The following RHD variants were observed in gnomAD, a reference collection of about 807,000 sequenced individuals.
The protein encoded by RHD is Rh blood group D antigen, also known as blood group Rh(D) polypeptide.
In RHD, 16 loss-of-function variants were observed where a neutral mutation model predicts 45.5. The ratio of observed to expected loss-of-function variants is 0.35; its 90% CI spans 0.24 to 0.53. The LOEUF (loss-of-function observed/expected upper bound fraction) is 0.53. Among genes scored for constraint, RHD ranks in the 20% least tolerant of loss-of-function variants. RHD has a pLI of 0.92. For synonymous variants in RHD, 131 were observed against 217.5 expected (o/e 0.60, Z 3.50); for missense variants, 306 against 532.0 (o/e 0.58, Z 4.18).
In RHD at chr1:25,321,369, C is replaced by T. The variant is rs1301550686; in HGVS notation, c.1154-520C>T. ...TTTTTCAAAAAAAAAAAAAAAATGT[C>T]TACAGAATCGGCCAGGTGTGGTGGC... On this transcript the variant is annotated intron_variant, in intron 8 of 9. Transcript: ENST00000328664. Among the ~76,000 whole-genome samples, 2 of 122,896 alleles carry T rather than the reference C, an allele frequency of 1.6e-5. 1 individual carries two copies. Among genetic ancestry groups the T allele is most frequent in the Non-Finnish European group, 3.8e-5 (2 of 52,396 alleles). 80.6% of individuals were successfully genotyped at this position (122,896 alleles called of 152,430 possible).
rs1312963165 is a variant in RHD at position 25,280,326 on chromosome 1, G to A, written c.149-4247G>A. On this transcript the variant is annotated intron_variant, in intron 1 of 9. Transcript: ENST00000328664. ...CTCATCTCTTTTTTTTTTTTTTTGA[G>A]CTGCAGTCTCACTCTGTCATCCAGG... Among the ~76,000 whole-genome samples the A allele has an allele frequency of 2.5e-5, 3 of 117,734 alleles. No individual in the cohort carries two copies. In the East Asian group the frequency reaches 6.0e-4, roughly 24 times the overall value. The allele number at this position is 117,734 out of a possible 152,430, so 77.2% of individuals were successfully genotyped here.
At chr1:25,303,040 T>C (rs2124680141) in intron 5 of RHD, among the ~76,000 whole-genome samples, 1 of 131,638 alleles carries the variant, frequency 7.6e-6, no homozygotes, top group African/African-American at 2.6e-5. Context: ...ATGAGTGTGA[T>C]GGGTGCCTAG....
At chr1:25,280,018 G>A (rs1189932739) in intron 1 of RHD, among the ~76,000 whole-genome samples, 1 of 129,872 alleles carries the variant, frequency 7.7e-6, no homozygotes, top group East Asian at 2.0e-4. Flanking sequence ...GGTGGAAATG[G>A]GCCTGGAGCC....
In RHD at chr1:25,284,560, C is replaced by G; in HGVS notation, c.149-13C>G. 7.2e-7 allele frequency: 1 copy of G among 1,388,526 alleles called. No individual in the cohort carries two copies. The highest frequency in any genetic ancestry group is 1.0e-6 in the Non-Finnish European group (1 of 984,860). The allele number at this position is 1,388,526 out of a possible 1,614,324, so 86.0% of individuals were successfully genotyped here. A position where few individuals can be genotyped will look rare whatever the true frequency, so the allele number is the denominator to read the frequency against. ...TTCCCCCTCGTCCTTCTCGCCATCTCCCCACCGAGCAGTTGGCCAAGATCT... is the reference window on the plus strand; with the variant it reads ...TTCCCCCTCGTCCTTCTCGCCATCTGCCCACCGAGCAGTTGGCCAAGATCT... On this transcript the variant is annotated splice_polypyrimidine_tract_variant and intron_variant, in intron 1 of 9. Coordinates refer to ENST00000328664, the MANE Select transcript of RHD (RefSeq NM_016124.6).
chr1:25,287,178 C>T (rs1642098447), intron 2 of RHD, among the ~76,000 whole-genome samples: 1 of 134,258 alleles, frequency 7.4e-6, no homozygotes, highest in Admixed American at 7.2e-5. Context: ...CATACACACA[C>T]TGTGTCCACC....
chr1:25,278,170 G>A (rs569935811), intron 1 of RHD, among the ~76,000 whole-genome samples: 1 of 129,856 alleles, frequency 7.7e-6, no homozygotes, highest in South Asian at 2.4e-4. Flanking sequence ...ATATTTAGGA[G>A]ATAAGTCAGC....
chr1:25,277,854 A>T (rs1261185119), intron 1 of RHD, among the ~76,000 whole-genome samples: 1 of 130,080 alleles, frequency 7.7e-6, no homozygotes, highest in Non-Finnish European at 1.8e-5. Flanking sequence ...TTGTATTTTT[A>T]GTAGAGATGG....
chr1:25,276,022 A>G lies in RHD; in HGVS notation c.148+3327A>G, dbSNP rs577154257. ...TTAAACTTAGGTAACTTAATCTGTC[A>G]ATCCACTTAATTGAATTCAGTCCTG... is the stretch of plus-strand genomic sequence containing the variant. On this transcript the variant is annotated intron_variant, in intron 1 of 9. Transcript: ENST00000328664. Among the ~76,000 whole-genome samples, 1,246 of 132,210 alleles carry G rather than the reference A, an allele frequency of 9.4e-3. 142 individuals carry two copies. Among genetic ancestry groups the G allele is most frequent in the African/African-American group, 0.03 (1,163 of 38,756 alleles). 86.7% of individuals were successfully genotyped at this position (132,210 alleles called of 152,430 possible).
At chr1:25,315,380 C>T (rs1325671881) in intron 7 of RHD, among the ~76,000 whole-genome samples, 1 of 129,956 alleles carries the variant, frequency 7.7e-6, no homozygotes, top group Non-Finnish European at 1.8e-5. Context: ...GCTTGCCACA[C>T]GGAAGGGGGG....
At position 25,281,848 on chromosome 1, in the gene RHD, G is replaced by T. The variant is rs1641512532; in HGVS notation, c.149-2725G>T. Among the ~76,000 whole-genome samples the T allele has an allele frequency of 1.5e-5, 2 of 132,724 alleles. 1 individual carries two copies. The highest frequency in any genetic ancestry group is 1.5e-4 in the Admixed American group (2 of 13,622). The allele number at this position is 132,724 out of a possible 152,430, so 87.1% of individuals were successfully genotyped here. A position where few individuals can be genotyped will look rare whatever the true frequency, so the allele number is the denominator to read the frequency against. ...GTGTCAGGTTGATTTGGAAATGTCA[G>T]TGTCCTCCCTTGTCCTCTCTGGCAG... is the stretch of plus-strand genomic sequence containing the variant. On this transcript the variant is annotated intron_variant, in intron 1 of 9. Transcript: ENST00000328664.
intron 2 of RHD, among the ~76,000 whole-genome samples, chr1:25,285,376 C>T (rs544367552): frequency 3.0e-5 from 4 of 134,606 alleles, no homozygotes; most frequent in South Asian, 2.2e-4. Flanking sequence ...TCAGGTGATC[C>T]GCCCGCCTCG....
chr1:25,285,745 G>A (rs661680), intron 2 of RHD, among the ~76,000 whole-genome samples: 1 of 135,130 alleles, frequency 7.4e-6, no homozygotes, highest in Non-Finnish European at 1.8e-5. Flanking sequence ...CACTTAATAG[G>A]AGGAAGTAGG....
rs1380549265 is a variant in RHD, at chr1:25,322,031, A to G, written c.1227+69A>G. ...AACTTAAAAACATACCTGAGTATAT[A>G]TGTTGACTTGCTGTTTATGAGTAAA... is the stretch of plus-strand genomic sequence containing the variant. On this transcript the variant is annotated intron_variant, in intron 9 of 9. Transcript: ENST00000328664. The G allele has an allele frequency of 3.6e-6, 3 of 830,778 alleles. 1 individual carries two copies. Among genetic ancestry groups the G allele is most frequent in the African/African-American group, 3.2e-5 (2 of 61,980 alleles). 51.5% of individuals were successfully genotyped at this position (830,778 alleles called of 1,614,324 possible). A position where few individuals can be genotyped will look rare whatever the true frequency, so the allele number is the denominator to read the frequency against.
chr1:25,287,498 G>A (rs975836275), intron 2 of RHD, among the ~76,000 whole-genome samples: 2 of 134,972 alleles, frequency 1.5e-5, no homozygotes, highest in South Asian at 2.2e-4. Context: ...GTGCTGATGG[G>A]TGGTGCCCAG....
At chr1:25,284,502 C>T in intron 1 of RHD, 71 bp from the exon 2 acceptor site, 3 of 1,289,578 alleles carry the variant, frequency 2.3e-6, no homozygotes, top group East Asian at 2.3e-5. Flanking sequence ...TTTAGTAAGA[C>T]TCTAATTTCA....
At position 25,318,520 on chromosome 1, in the gene RHD, G is replaced by A. The variant is rs1323587144; in HGVS notation, c.1153+1441G>A. 3.8e-5 allele frequency among the ~76,000 whole-genome samples: 5 copies of A among 131,702 alleles called. 2 individuals carry two copies. Among genetic ancestry groups the A allele is most frequent in the Admixed American group, 3.0e-4 (4 of 13,544 alleles). 86.4% of individuals were successfully genotyped at this position (131,702 alleles called of 152,430 possible). ...GGGGAATGGCTTGACCCCAGGAGGT[G>A]GAGGTTATAGTGAGTCGAGGTTGCA... On this transcript the variant is annotated intron_variant, in intron 8 of 9. Transcript: ENST00000328664.
chr1:25,315,195 T>C lies in RHD; in HGVS notation c.1074-1805T>C, dbSNP rs1156736482. On this transcript the variant is annotated intron_variant, in intron 7 of 9. Transcript: ENST00000328664. Reference sequence around the variant, plus strand: ...TTGCAAGGTCATGCATATGTCCCCCTGATTTTTTTCCTAAAAATCACTTAT... The same window carrying C: ...TTGCAAGGTCATGCATATGTCCCCCCGATTTTTTTCCTAAAAATCACTTAT... Among the ~76,000 whole-genome samples, 3 of 130,332 alleles carry C rather than the reference T, an allele frequency of 2.3e-5. 1 individual carries two copies. The allele number at this position is 130,332 out of a possible 152,430, so 85.5% of individuals were successfully genotyped here.
At position 25,299,072 on chromosome 1, in the gene RHD, T is replaced by TAAAA. The variant is rs34867414; in HGVS notation, c.487-1852_487-1849dup. 6.4e-4 allele frequency among the ~76,000 whole-genome samples: 26 copies of TAAAA among 40,838 alleles called. 3 individuals carry two copies. Among genetic ancestry groups the TAAAA allele is most frequent in the African/African-American group, 7.8e-4 (10 of 12,832 alleles). 26.8% of individuals were successfully genotyped at this position (40,838 alleles called of 152,430 possible). On this transcript the variant is annotated intron_variant, in intron 3 of 9. Transcript: ENST00000328664. ...GTTTAGAATTGTCAGCACATGGTGA[T>TAAAA]AAAAAAAAAAAAAAAAAAAAAAAAA...
Position 25,320,922 on chromosome 1 carries a change from T to G in RHD, c.1154-967T>G, listed in dbSNP as rs1644662933. ...AGCTGGATATGGTAGCACACACCTG[T>G]GGTCCCAGCTACTTGGGAGGCTGAG... On this transcript the variant is annotated intron_variant, in intron 8 of 9. Coordinates refer to ENST00000328664, the MANE Select transcript of RHD (RefSeq NM_016124.6). Among the ~76,000 whole-genome samples, 2 of 131,462 alleles carry G rather than the reference T, an allele frequency of 1.5e-5. 1 individual carries two copies. Among genetic ancestry groups the G allele is most frequent in the Non-Finnish European group, 3.6e-5 (2 of 55,504 alleles). The allele number at this position is 131,462 out of a possible 152,430, so 86.2% of individuals were successfully genotyped here.
Sources: gnomAD v4.1 joint callset for allele counts (sites outside exome capture counted in the v4.1 genomes callset) on GRCh38, gnomAD v4.1.1 for gene constraint, MANE v1.5 for transcripts, NCBI Gene and HGNC (gene_info 2026-07-23, HGNC 2026-07-21) for gene names.